ZNF561: variants seen among roughly 807,000 people sequenced by gnomAD.
ZNF561 encodes the protein zinc finger protein 561.
ZNF561 carries 16 observed loss-of-function variants against 16.7 expected under a neutral mutation model. The observed-to-expected ratio is 0.96, with a 90% CI of 0.65 to 1.45. The LOEUF is 1.45. ZNF561 is among the 40% of genes most tolerant of loss of function. The pLI is 0.00. For missense variants in ZNF561, 580 were observed against 578.0 expected (o/e 1.00, Z -0.04); for synonymous variants, 190 against 192.1 (o/e 0.99, Z 0.09).
At position 9,610,296 on chromosome 19, in the gene ZNF561, C is replaced by G. The variant is rs1246273019; in HGVS notation, c.1365G>C (p.Gly455=). 1 of 1,614,128 alleles carries G rather than the reference C, an allele frequency of 6.2e-7. No individual in the cohort carries two copies. The highest frequency in any genetic ancestry group is 8.5e-7 in the Non-Finnish European group (1 of 1,180,008). The change falls in exon 6 of 6, where the codon GGG becomes GGC. Residue 455 remains glycine (G), a synonymous_variant. Transcript: ENST00000302851. The part of the protein sequence containing the change: ...GEKPFVCKEC[G]KAFAVSSRLS... ...GGCGTGAGGAAACAGCAAATGCTTT[C>G]CCACATTCTTTACATACGAAGGGTT...
rs2074567493 is a variant in ZNF561, at chr19:9,617,050, G to A, written c.236C>T (p.Ser79Phe). 3.1e-6 allele frequency: 5 copies of A among 1,609,672 alleles called. No homozygotes were observed. Among genetic ancestry groups the A allele is most frequent in the Admixed American group, 3.3e-5 (2 of 59,846 alleles). ...VMLENYMNLA[S>F]VEWEIQPRTK... ...CATAGTGATGTTACTCTTACCCACA[G>A]AGGCCAGGTTCATGTAGTTCTCCAG... The change falls in exon 4 of 6, where the codon TCT becomes TTT. Residue 79 changes from serine to phenylalanine, a missense_variant. Physicochemically the swap from Ser to Phe is radical, Grantham distance 155. Transcript: ENST00000302851.
chr19:9,620,375 CCA>C (rs2074649120), intron 1 of ZNF561, among the ~76,000 whole-genome samples: 2 of 152,178 alleles, frequency 1.3e-5, no homozygotes, highest in South Asian at 4.1e-4. Context: ...CAGGTGCACA[CCA>C]CTGGGTCCGG....
rs1300179068 is a variant in ZNF561 at position 9,609,470 on chromosome 19, T to G, written c.*730A>C. On this transcript the variant is annotated 3_prime_UTR_variant, in exon 6 of 6. Coordinates refer to ENST00000302851, the MANE Select transcript of ZNF561 (RefSeq NM_152289.3). Reference sequence around the variant, plus strand: ...TGGAAAATTCTCAGCCTATCCATAATGCAAAAATTAGAAAACTTGTACTGA... The same window carrying G: ...TGGAAAATTCTCAGCCTATCCATAAGGCAAAAATTAGAAAACTTGTACTGA... The G allele has an allele frequency of 6.6e-6, 1 of 152,182 alleles. No homozygotes were observed. Among genetic ancestry groups the G allele is most frequent in the African/African-American group, 2.4e-5 (1 of 41,440 alleles). The allele number at this position is 152,182 out of a possible 1,614,324, so 9.4% of individuals were successfully genotyped here.
intron 3 of ZNF561, chr19:9,617,782 G>A (rs1021534646): frequency 5.3e-5 from 25 of 471,318 alleles, no homozygotes; most frequent in Non-Finnish European, 8.9e-5. Context: ...ATAAGTGAAT[G>A]ATTTGATAAA....
Position 9,621,194 on chromosome 19 carries a change from C to G in ZNF561, c.-159G>C. Reference sequence around the variant, plus strand: ...TGGGCAGACTCCACCACCATAAAGGCGAAACCGCACTGACGGAGAGGAGCC... The same window carrying G: ...TGGGCAGACTCCACCACCATAAAGGGGAAACCGCACTGACGGAGAGGAGCC... On this transcript the variant is annotated 5_prime_UTR_variant, in exon 1 of 6. Transcript: ENST00000302851. 6.4e-6 allele frequency: 1 copy of G among 155,758 alleles called. No individual in the cohort carries two copies. The highest frequency in any genetic ancestry group is 1.4e-5 in the Non-Finnish European group (1 of 69,526). 9.6% of individuals were successfully genotyped at this position (155,758 alleles called of 1,614,324 possible).
chr19:9,614,143 A>G, intron 4 of ZNF561, 40 bp from the exon 5 acceptor site: 1 of 1,601,706 alleles, frequency 6.2e-7, no homozygotes. Flanking sequence ...GATTTAGAGA[A>G]GAAATATTCA....
rs190639798 is a variant in ZNF561, at chr19:9,607,701, G to A, written c.*2499C>T. 160 of 152,148 alleles carry A rather than the reference G, an allele frequency of 1.1e-3. No individual in the cohort carries two copies. Among genetic ancestry groups the A allele is most frequent in the African/African-American group, 3.5e-3 (145 of 41,522 alleles). 9.4% of individuals were successfully genotyped at this position (152,148 alleles called of 1,614,324 possible). A position where few individuals can be genotyped will look rare whatever the true frequency, so the allele number is the denominator to read the frequency against. ...GTAAAGCAAGAAAATATATATATAG[G>A]TATAACCTAACGACTAAAGTGGAAA... On this transcript the variant is annotated 3_prime_UTR_variant, in exon 6 of 6. Coordinates refer to ENST00000302851, the MANE Select transcript of ZNF561 (RefSeq NM_152289.3).
Position 9,618,227 on chromosome 19 carries a change from C to T in ZNF561, c.26-48G>A, listed in dbSNP as rs570622900. The T allele has an allele frequency of 4.7e-6, 7 of 1,487,302 alleles. No individual in the cohort carries two copies. The Admixed American group carries it at 1.4e-4, about 29-fold the overall frequency. 92.1% of individuals were successfully genotyped at this position (1,487,302 alleles called of 1,614,324 possible). ...TGAGAAGCCAGAGCTGCCCATCCTT[C>T]CCACATTCTCATGCCTAGAAGTCAT... On this transcript the variant is annotated intron_variant, in intron 2 of 5. Transcript: ENST00000302851.
intron 4 of ZNF561, among the ~76,000 whole-genome samples, chr19:9,615,678 G>A (rs1400960180): frequency 6.6e-6 from 1 of 151,924 alleles, no homozygotes; most frequent in African/African-American, 2.4e-5. Flanking sequence ...GGCCGAGGTG[G>A]GTGGATCACC....
intron 5 of ZNF561, among the ~76,000 whole-genome samples, chr19:9,612,758 C>CT (rs1490909149): frequency 6.6e-6 from 1 of 152,134 alleles, no homozygotes; most frequent in African/African-American, 2.4e-5. Flanking sequence ...GCCACTGGCT[C>CT]TAATTGTTCA....
At chr19:9,611,464 T>C (rs542298366) in intron 5 of ZNF561, 128 bp from the exon 6 acceptor site, 1 of 1,066,886 alleles carries the variant, frequency 9.4e-7, no homozygotes, top group Admixed American at 3.3e-5. Context: ...TTTTTTCTTT[T>C]TGAGAGAAAG....
At chr19:9,620,788 A>AT (rs1411066695) in intron 1 of ZNF561, 1 of 152,290 alleles carries the variant, frequency 6.6e-6, no homozygotes, top group Non-Finnish European at 1.5e-5. Context: ...CACACCTATA[A>AT]TCCCAGCACT....
chr19:9,619,406 G>GA lies in ZNF561; in HGVS notation c.25+25dup, dbSNP rs748117412. The GA allele has an allele frequency of 8.1e-6, 13 of 1,611,484 alleles. No individual in the cohort carries two copies. In the African/African-American group the frequency reaches 1.5e-4, roughly 18 times the overall value. On this transcript the variant is annotated intron_variant, in intron 2 of 5. Transcript: ENST00000302851. ...GAGGGTGACCTAAAGCAGAATCTCT[G>GA]AAAAAGAGCATCAACAAAGACTTAC...
chr19:9,611,192 TG>T lies in ZNF561; in HGVS notation c.468del (p.Ser157ValfsTer24), dbSNP rs2074449310. The T allele has an allele frequency of 3.7e-6, 6 of 1,613,852 alleles. No individual in the cohort carries two copies. The highest frequency in any genetic ancestry group is 5.1e-6 in the Non-Finnish European group (6 of 1,179,870). ...CCAGTAGAGGCTTCCTTGTGCACACTGAGGGTGTCTTTTCCATAACAATTAC... is the reference window on the plus strand; with the variant it reads ...CCAGTAGAGGCTTCCTTGTGCACACTAGGGTGTCTTTTCCATAACAATTAC... ...SEGNCYGKDTLSVHKEASTGQ... is the reference protein window; with the variant it reads ...SEGNCYGKDTXSVHKEASTGQ... On this transcript the variant is annotated frameshift_variant, in exon 6 of 6. Coordinates refer to ENST00000302851, the MANE Select transcript of ZNF561 (RefSeq NM_152289.3). LOFTEE classifies it low-confidence loss of function (END_TRUNC).
chr19:9,609,588 AAG>A lies in ZNF561; in HGVS notation c.*610_*611del, dbSNP rs1424546640. 2.6e-5 allele frequency: 4 copies of A among 152,308 alleles called. No homozygotes were observed. The highest frequency in any genetic ancestry group is 2.4e-5 in the African/African-American group (1 of 41,456). 9.4% of individuals were successfully genotyped at this position (152,308 alleles called of 1,614,324 possible). A position where few individuals can be genotyped will look rare whatever the true frequency, so the allele number is the denominator to read the frequency against. On this transcript the variant is annotated 3_prime_UTR_variant, in exon 6 of 6. Transcript: ENST00000302851. ...TATCAGCCACCTTGACAGAAGTGAG[AAG>A]AGAGACTGGATTATACTAGAAGAGA... is the stretch of plus-strand genomic sequence containing the variant.
At chr19:9,615,751 CAAA>C (rs1192652868) in intron 4 of ZNF561, among the ~76,000 whole-genome samples, 1 of 85,362 alleles carries the variant, frequency 1.2e-5, no homozygotes. Flanking sequence ...ACTAAAAATA[CAAA>C]AAAAAAAAAA....
In ZNF561 at chr19:9,614,083, T is replaced by C. The variant is rs2074510340; in HGVS notation, c.262A>G (p.Thr88Ala). 1 of 1,613,996 alleles carries C rather than the reference T, an allele frequency of 6.2e-7. No individual in the cohort carries two copies. Among genetic ancestry groups the C allele is most frequent in the Non-Finnish European group, 8.5e-7 (1 of 1,179,998 alleles). The change falls in exon 5 of 6, where the codon ACC (threonine) becomes GCC (alanine). Residue 88 changes from threonine (T) to alanine (A), a missense_variant. Physicochemically the swap from Thr to Ala is moderately conservative, Grantham distance 58. Transcript: ENST00000302851. Reference sequence around the variant, plus strand: ...CCCTGCTGAAGTGATGACCGTTTGGTTCTAGGTTGTATTTCCCATTCTAAA... The same window carrying C: ...CCCTGCTGAAGTGATGACCGTTTGGCTCTAGGTTGTATTTCCCATTCTAAA... ...ASVEWEIQPRTKRSSLQQGFL... is the reference protein window; with the variant it reads ...ASVEWEIQPRAKRSSLQQGFL...
chr19:9,619,516 G>A lies in ZNF561; in HGVS notation c.-60C>T, dbSNP rs757786512. On this transcript the variant is annotated 5_prime_UTR_variant, in exon 2 of 6. Coordinates refer to ENST00000302851, the MANE Select transcript of ZNF561 (RefSeq NM_152289.3). ...TTCCTTGATGCCAAGATCACCTCAG[G>A]CCAGCTTATGAATCTAGGTGGATAG... 2 of 1,590,462 alleles carry A rather than the reference G, an allele frequency of 1.3e-6. No individual in the cohort carries two copies. Among genetic ancestry groups the A allele is most frequent in the Admixed American group, 1.7e-5 (1 of 59,446 alleles).
intron 4 of ZNF561, among the ~76,000 whole-genome samples, chr19:9,616,170 C>T (rs939419953): frequency 1.3e-5 from 2 of 152,244 alleles, no homozygotes; most frequent in Non-Finnish European, 2.9e-5. Flanking sequence ...GGGACTGTTA[C>T]TTTGGGACTG....
Sources: allele counts gnomAD v4.1 joint callset (sites outside exome capture counted in the v4.1 genomes callset), GRCh38; gene constraint gnomAD v4.1.1; transcripts MANE v1.5; gene names NCBI Gene and HGNC (gene_info 2026-07-23, HGNC 2026-07-21).